The following IL1RAPL2 variants were observed in gnomAD, a reference collection of about 807,000 sequenced individuals.
IL1RAPL2 encodes interleukin 1 receptor accessory protein like 2.
In IL1RAPL2, 3 loss-of-function variants were observed where a neutral mutation model predicts 44.1. The ratio of observed to expected loss-of-function variants is 0.07; its 90% CI spans 0.03 to 0.18. IL1RAPL2 has a LOEUF of 0.18. Among genes scored for constraint, IL1RAPL2 ranks in the 10% least tolerant of loss-of-function variants. IL1RAPL2 has a pLI of 1.00. For missense variants in IL1RAPL2, 391 were observed against 496.4 expected (o/e 0.79, Z 2.02); for synonymous variants, 181 against 178.8 (o/e 1.01, Z -0.10).
chrX:105,447,972 A>C (rs1316708589), intron 5 of IL1RAPL2, among the ~76,000 whole-genome samples: 1 of 101,264 alleles, frequency 9.9e-6, no homozygotes, highest in African/African-American at 3.5e-5. Flanking sequence ...ATATATTAAA[A>C]ATATAAATAT....
At chrX:105,681,327 G>A (rs926458235) in intron 6 of IL1RAPL2, among the ~76,000 whole-genome samples, 2 of 111,664 alleles carry the variant, frequency 1.8e-5, no homozygotes, top group Admixed American at 1.9e-4. Context: ...GTTTCCTTCA[G>A]TTCGAAGTAT....
intron 2 of IL1RAPL2, among the ~76,000 whole-genome samples, chrX:104,848,636 T>C (rs1438970707): frequency 9.2e-6 from 1 of 108,362 alleles, no homozygotes; most frequent in Non-Finnish European, 1.9e-5. Flanking sequence ...ACTTTGTATA[T>C]AAAATTATAC....
chrX:104,609,217 A>T (rs1270722468), intron 1 of IL1RAPL2, among the ~76,000 whole-genome samples: 1 of 112,030 alleles, frequency 8.9e-6, no homozygotes, highest in East Asian at 2.8e-4. Flanking sequence ...CTGCAGAGTG[A>T]TCTGCTGTTA....
In IL1RAPL2 at chrX:105,482,101, T is replaced by C. The variant is rs1341473860; in HGVS notation, c.698-2212T>C. Reference sequence around the variant, plus strand: ...AGTATGTCTTGGAAATATTTTCATATCTAATCTACAGATTTACCTAATTAT... The same window carrying C: ...AGTATGTCTTGGAAATATTTTCATACCTAATCTACAGATTTACCTAATTAT... On this transcript the variant is annotated intron_variant, in intron 5 of 10. Transcript: ENST00000372582. Among the ~76,000 whole-genome samples the C allele has an allele frequency of 7.1e-5, 8 of 112,597 alleles. No individual in the cohort carries two copies. The Admixed American group carries it at 7.5e-4, about 11-fold the overall frequency.
At chrX:105,569,677 A>G (rs1206447327) in intron 6 of IL1RAPL2, among the ~76,000 whole-genome samples, 1 of 112,086 alleles carries the variant, frequency 8.9e-6, no homozygotes, top group Non-Finnish European at 1.9e-5. Context: ...TGAAAACTAT[A>G]CAAGAAGTAA....
intron 6 of IL1RAPL2, among the ~76,000 whole-genome samples, chrX:105,591,361 G>A (rs1247735339): frequency 9.1e-6 from 1 of 109,476 alleles, no homozygotes; most frequent in Non-Finnish European, 1.9e-5. Flanking sequence ...CTTTTTTGAA[G>A]AGCCTACTTC....
chrX:104,919,233 T>C (rs867237484), intron 2 of IL1RAPL2, among the ~76,000 whole-genome samples: 4 of 109,092 alleles, frequency 3.7e-5, no homozygotes, highest in African/African-American at 6.7e-5. Context: ...TCTTTTTTTT[T>C]TTTTTTTTTA....
intron 2 of IL1RAPL2, among the ~76,000 whole-genome samples, chrX:104,941,739 A>G (rs1925181166): frequency 1.8e-5 from 2 of 111,341 alleles, no homozygotes. Flanking sequence ...TTTTGTTGCC[A>G]TTGCTTTTGG....
chrX:104,823,355 T>G, intron 2 of IL1RAPL2, among the ~76,000 whole-genome samples: 1 of 110,967 alleles, frequency 9.0e-6, no homozygotes, highest in Non-Finnish European at 1.9e-5. Flanking sequence ...CGGTGTTTGG[T>G]TTTTTGTTCT....
At chrX:105,244,714 G>C (rs1016140281) in intron 4 of IL1RAPL2, among the ~76,000 whole-genome samples, 1 of 111,880 alleles carries the variant, frequency 8.9e-6, no homozygotes, top group Non-Finnish European at 1.9e-5. Flanking sequence ...CCCACTTCTG[G>C]TGCCATCTGT....
intron 4 of IL1RAPL2, among the ~76,000 whole-genome samples, chrX:105,255,578 A>G (rs1266465798): frequency 8.9e-6 from 1 of 111,992 alleles, no homozygotes; most frequent in Non-Finnish European, 1.9e-5. Context: ...TTTTCTAGAT[A>G]TAGAATCATG....
chrX:104,871,356 C>T (rs938128926), intron 2 of IL1RAPL2, among the ~76,000 whole-genome samples: 10 of 111,444 alleles, frequency 9.0e-5, no homozygotes, highest in Non-Finnish European at 1.9e-4. Context: ...ACATATTTTT[C>T]TATTGTCACA....
At chrX:104,735,277 C>A (rs1165259016) in intron 2 of IL1RAPL2, among the ~76,000 whole-genome samples, 1 of 111,428 alleles carries the variant, frequency 9.0e-6, no homozygotes, top group Non-Finnish European at 1.9e-5. Context: ...TATGTTAGAA[C>A]CTTGATCAGT....
intron 5 of IL1RAPL2, among the ~76,000 whole-genome samples, chrX:105,421,716 C>T (rs1416511596): frequency 9.0e-6 from 1 of 111,453 alleles, no homozygotes; most frequent in Non-Finnish European, 1.9e-5. Flanking sequence ...GTCCATACAT[C>T]AGTAGGCAGC....
At chrX:104,640,895 CA>C (rs1359307925) in intron 1 of IL1RAPL2, among the ~76,000 whole-genome samples, 2 of 112,349 alleles carry the variant, frequency 1.8e-5, no homozygotes, top group Non-Finnish European at 3.8e-5. Context: ...AGTGGCAGGC[CA>C]AGTATGCCTG....
intron 2 of IL1RAPL2, among the ~76,000 whole-genome samples, chrX:104,810,782 C>T (rs961002757): frequency 2.7e-5 from 3 of 111,798 alleles, no homozygotes; most frequent in African/African-American, 6.5e-5. Flanking sequence ...ATCCAGACTT[C>T]GGGTTTCTGA....
At chrX:105,406,534 G>A (rs2035646190) in intron 5 of IL1RAPL2, 10 of 1,195,079 alleles carry the variant, frequency 8.4e-6, no homozygotes, top group South Asian at 1.8e-5. Context: ...TCAGAACTGC[G>A]ATGCCAGGAT....
chrX:105,132,276 AT>A (rs982037891), intron 2 of IL1RAPL2, among the ~76,000 whole-genome samples: 4 of 110,436 alleles, frequency 3.6e-5, no homozygotes, highest in African/African-American at 1.3e-4. Context: ...ATTTATTTTA[AT>A]TTAAAAAAAA....
Position 105,201,677 on chromosome X carries a change from C to A in IL1RAPL2, c.356+5929C>A, listed in dbSNP as rs781878825. Among the ~76,000 whole-genome samples the A allele has an allele frequency of 4.7e-3, 522 of 111,805 alleles. 6 individuals are homozygous for A. Among genetic ancestry groups the A allele is most frequent in the African/African-American group, 0.016 (479 of 30,814 alleles). On this transcript the variant is annotated intron_variant, in intron 3 of 10. Coordinates refer to ENST00000372582, the MANE Select transcript of IL1RAPL2 (RefSeq NM_017416.2). ...GCTCTTAGCACCTTCCACTCTCCTA[C>A]CCTACTTCCCATCGCGGTTACCTAG...
Sources: allele counts gnomAD v4.1 joint callset (sites outside exome capture counted in the v4.1 genomes callset), GRCh38; gene constraint gnomAD v4.1.1; transcripts MANE v1.5; gene names NCBI Gene and HGNC (gene_info 2026-07-23, HGNC 2026-07-21).